The following ERBB4 variants were observed in gnomAD, a reference collection of about 807,000 sequenced individuals.
ERBB4 encodes the protein receptor tyrosine-protein kinase erbB-4.
Under a neutral mutation model 158.0 loss-of-function variants are expected in ERBB4, and 42 were observed. That is an observed-to-expected ratio of 0.27 (90% CI 0.21 to 0.34). ERBB4 has a LOEUF of 0.34. ERBB4 is among the 10% of genes least tolerant of loss of function. ERBB4 has a pLI of 1.00. For synonymous variants in ERBB4, 583 were observed against 558.7 expected, an observed-to-expected ratio of 1.04 and a Z score of -0.61; for missense variants, 1,333 against 1,624.1, an observed-to-expected ratio of 0.82 and a Z score of 3.08.
At chr2:212,391,292 CAG>C (rs2090846263) in intron 1 of ERBB4, among the ~76,000 whole-genome samples, 1 of 151,612 alleles carries the variant, frequency 6.6e-6, no homozygotes, top group Non-Finnish European at 1.5e-5. Flanking sequence ...ATATGATTAA[CAG>C]AAGTATAAAT....
chr2:212,497,392 A>G (rs1026484732), intron 1 of ERBB4, among the ~76,000 whole-genome samples: 5 of 152,104 alleles, frequency 3.3e-5, no homozygotes, highest in African/African-American at 7.2e-5. Context: ...ATGAGATTCA[A>G]TCTTAATTGA....
chr2:211,415,283 ATTTTTTGT>A (rs1361851984), intron 25 of ERBB4, among the ~76,000 whole-genome samples: 1 of 151,586 alleles, frequency 6.6e-6, no homozygotes, highest in African/African-American at 2.4e-5. Flanking sequence ...CGCCCGGCTA[ATTTTTTGT>A]ATTTTTTTTA....
chr2:211,735,534 C>G (rs2074573280), intron 5 of ERBB4, among the ~76,000 whole-genome samples: 1 of 152,146 alleles, frequency 6.6e-6, no homozygotes, highest in African/African-American at 2.4e-5. Context: ...AAACACGTGT[C>G]TGCATTACGT....
intron 3 of ERBB4, among the ~76,000 whole-genome samples, chr2:211,827,320 A>T (rs531706245): frequency 3.4e-4 from 51 of 152,202 alleles, no homozygotes; most frequent in African/African-American, 1.1e-3. Context: ...CTGTTGGGAC[A>T]GGGTTATTTC....
At chr2:211,932,353 T>C (rs1292978663) in intron 3 of ERBB4, among the ~76,000 whole-genome samples, 1 of 152,004 alleles carries the variant, frequency 6.6e-6, no homozygotes, top group Non-Finnish European at 1.5e-5. Context: ...TTCTGATTGT[T>C]TTACATTTTT....
intron 1 of ERBB4, among the ~76,000 whole-genome samples, chr2:212,373,714 C>T (rs1316142281): frequency 2.2e-5 from 3 of 139,480 alleles, no homozygotes; most frequent in African/African-American, 7.9e-5. Context: ...TATATATCCA[C>T]ATATATATCC....
intron 1 of ERBB4, among the ~76,000 whole-genome samples, chr2:212,365,360 A>G (rs2089849024): frequency 1.3e-5 from 2 of 151,736 alleles, no homozygotes; most frequent in Admixed American, 1.3e-4. Flanking sequence ...AAATAAGAAT[A>G]TATCTGTCAT....
chr2:212,322,472 A>C (rs973782703), intron 1 of ERBB4, among the ~76,000 whole-genome samples: 3 of 150,644 alleles, frequency 2.0e-5, no homozygotes, highest in Non-Finnish European at 4.5e-5. Flanking sequence ...TTATGTGATT[A>C]CTAAATGTCT....
At chr2:211,691,398 C>T (rs2072809964) in intron 12 of ERBB4, among the ~76,000 whole-genome samples, 2 of 151,936 alleles carry the variant, frequency 1.3e-5, no homozygotes, top group African/African-American at 4.8e-5. Flanking sequence ...AAAGCATATC[C>T]CTGTGTTTAT....
chr2:211,727,314 T>G (rs2074299236), intron 5 of ERBB4, among the ~76,000 whole-genome samples: 1 of 152,134 alleles, frequency 6.6e-6, no homozygotes, highest in Non-Finnish European at 1.5e-5. Context: ...CTTAGATATT[T>G]CTATGGCACT....
intron 20 of ERBB4, among the ~76,000 whole-genome samples, chr2:211,535,224 T>A (rs2066613315): frequency 6.6e-6 from 1 of 152,096 alleles, no homozygotes; most frequent in Non-Finnish European, 1.5e-5. Flanking sequence ...TCTAAGAACA[T>A]AACTATATTG....
intron 17 of ERBB4, among the ~76,000 whole-genome samples, chr2:211,628,535 T>C (rs557407699): frequency 6.6e-6 from 1 of 152,350 alleles, no homozygotes; most frequent in South Asian, 2.1e-4. Flanking sequence ...TTCCATGGTG[T>C]ATATGTGCCA....
chr2:211,793,839 C>T (rs539131827), intron 3 of ERBB4, among the ~76,000 whole-genome samples: 1 of 151,914 alleles, frequency 6.6e-6, no homozygotes, highest in Non-Finnish European at 1.5e-5. Context: ...TAATGAGAAC[C>T]GGGTGCTTGA....
At position 211,552,421 on chromosome 2, in the gene ERBB4, T is replaced by A. The variant is rs181984800; in HGVS notation, c.2487+9482A>T. Among the ~76,000 whole-genome samples, 684 of 152,102 alleles carry A rather than the reference T, an allele frequency of 4.5e-3. 3 individuals are homozygous for A. The highest frequency in any genetic ancestry group is 6.5e-3 in the Non-Finnish European group (443 of 67,962). On this transcript the variant is annotated intron_variant, in intron 20 of 27. Transcript: ENST00000342788. The stretch of plus-strand genomic sequence containing the variant: ...AAAATATTGAATAAATTTTTTAAAA[T>A]TTTTTTTGGAAGAAGTTTAAGTTGA...
intron 2 of ERBB4, among the ~76,000 whole-genome samples, chr2:212,041,253 C>T (rs2125372773): frequency 6.6e-6 from 1 of 152,142 alleles, no homozygotes; most frequent in South Asian, 2.1e-4. Context: ...AGCTGCCTAC[C>T]ACTAGCTGCC....
chr2:211,466,706 G>A (rs1377913463), intron 20 of ERBB4, among the ~76,000 whole-genome samples: 2 of 152,082 alleles, frequency 1.3e-5, no homozygotes, highest in Non-Finnish European at 2.9e-5. Context: ...AAGTGCTATG[G>A]TTTACAGACC....
rs1302382290 is a variant in ERBB4 at position 212,319,685 on chromosome 2, A to C, written c.83-194782T>G. ...TATCTAACGTCTCAGTTTTTGATTG[A>C]GAAGACAGAAGCTCCAGTGGCTACA... On this transcript the variant is annotated intron_variant, in intron 1 of 27. Coordinates refer to ENST00000342788, the MANE Select transcript of ERBB4 (RefSeq NM_005235.3). 4.0e-5 allele frequency among the ~76,000 whole-genome samples: 6 copies of C among 150,282 alleles called. 1 individual carries two copies. The highest frequency in any genetic ancestry group is 7.5e-5 in the Non-Finnish European group (5 of 67,022).
intron 20 of ERBB4, among the ~76,000 whole-genome samples, chr2:211,433,545 C>T (rs1218050384): frequency 6.6e-6 from 1 of 150,652 alleles, no homozygotes; most frequent in East Asian, 2.0e-4. Flanking sequence ...GGCGCCACTG[C>T]ACTCCAGCCT....
chr2:211,734,696 G>A lies in ERBB4; in HGVS notation c.623-9502C>T, dbSNP rs182807369. Among the ~76,000 whole-genome samples, 217 of 150,492 alleles carry A rather than the reference G, an allele frequency of 1.4e-3. 2 individuals are homozygous for A. The highest frequency in any genetic ancestry group is 5.1e-3 in the African/African-American group (208 of 40,916). On this transcript the variant is annotated intron_variant, in intron 5 of 27. Transcript: ENST00000342788. ...AGCACTTTGGAAGGCCAAGGCGGGC[G>A]GATCATGAGGTCAGGAGATCGAGAC...
Sources: allele counts gnomAD v4.1 joint callset (sites outside exome capture counted in the v4.1 genomes callset), GRCh38; gene constraint gnomAD v4.1.1; transcripts MANE v1.5; gene names NCBI Gene and HGNC (gene_info 2026-07-23, HGNC 2026-07-21).